DDX10: variants seen among roughly 807,000 people sequenced by gnomAD.
DDX10 encodes the protein DEAD-box helicase 10, also known as probable ATP-dependent RNA helicase DDX10.
In DDX10, 74 loss-of-function variants were observed where a neutral mutation model predicts 104.3. That is an observed-to-expected ratio of 0.71 (90% CI 0.59 to 0.86). The LOEUF is 0.86. Among genes scored for constraint, DDX10 ranks in the 40% least tolerant of loss-of-function variants. DDX10 has a pLI of 0.00. For synonymous variants in DDX10, 351 were observed against 353.4 expected (o/e 0.99, Z 0.08); for missense variants, 952 against 1,040.0 (o/e 0.92, Z 1.16).
chr11:108,722,619 C>T (rs987373326), intron 12 of DDX10, among the ~76,000 whole-genome samples: 2 of 152,074 alleles, frequency 1.3e-5, no homozygotes, highest in East Asian at 1.9e-4. Context: ...TAATTGGATC[C>T]TTACAGCAAC....
chr11:108,838,392 A>G, intron 13 of DDX10, 54 bp from the exon 14 acceptor site: 2 of 1,572,330 alleles, frequency 1.3e-6, no homozygotes, highest in Non-Finnish European at 1.7e-6. Flanking sequence ...TGGATTGTTA[A>G]TATAAAGCAA....
intron 16 of DDX10, among the ~76,000 whole-genome samples, chr11:108,899,922 T>C (rs1304790048): frequency 6.6e-6 from 1 of 152,194 alleles, no homozygotes; most frequent in East Asian, 1.9e-4. Context: ...GAGAGCAGCC[T>C]GACCAACATG....
chr11:108,807,667 A>C (rs1030475780), intron 13 of DDX10, among the ~76,000 whole-genome samples: 1 of 152,204 alleles, frequency 6.6e-6, no homozygotes, highest in African/African-American at 2.4e-5. Flanking sequence ...TAAGGTTGAC[A>C]TGCCTTCTAG....
chr11:108,784,633 G>A lies in DDX10; in HGVS notation c.1966-53813G>A, dbSNP rs116372935. Reference sequence around the variant, plus strand: ...AAATAATTGCAAATATTTTTTCTCCGATTCTGTAGGCTGTTTACTCTGTTG... The same window carrying A: ...AAATAATTGCAAATATTTTTTCTCCAATTCTGTAGGCTGTTTACTCTGTTG... On this transcript the variant is annotated intron_variant, in intron 13 of 17. Transcript: ENST00000322536. Among the ~76,000 whole-genome samples the A allele has an allele frequency of 3.3e-3, 508 of 152,116 alleles. 4 individuals carry two copies. Among genetic ancestry groups the A allele is most frequent in the African/African-American group, 0.012 (486 of 41,514 alleles).
chr11:108,785,957 C>T (rs776695489), intron 13 of DDX10, among the ~76,000 whole-genome samples: 14 of 151,756 alleles, frequency 9.2e-5, no homozygotes, highest in African/African-American at 3.1e-4. Flanking sequence ...GAGATCTTTC[C>T]GACCTCTTGA....
At position 108,723,189 on chromosome 11, in the gene DDX10, A is replaced by G. The variant is rs2094300762; in HGVS notation, c.1692A>G (p.Lys564=). Residue 564 remains lysine, a synonymous_variant, in exon 13 of 18, where the codon AAA becomes AAG. Transcript: ENST00000322536. ...EKMSILQKGG[K]RLEGTEHRQD... is the part of the protein sequence containing the mutation. ...TGTCCATCCTTCAAAAAGGTGGAAA[A>G]AGACTCGAAGGGACAGAGCACAGAC... 2 of 1,613,852 alleles carry G rather than the reference A, an allele frequency of 1.2e-6. No individual in the cohort carries two copies. Among genetic ancestry groups the G allele is most frequent in the Middle Eastern group, 1.7e-4 (1 of 6,060 alleles).
At chr11:108,892,712 A>G (rs553192479) in intron 16 of DDX10, among the ~76,000 whole-genome samples, 1 of 152,322 alleles carries the variant, frequency 6.6e-6, no homozygotes, top group Admixed American at 6.5e-5. Flanking sequence ...GTCATTGTAT[A>G]TGTTCTCAGA....
intron 16 of DDX10, among the ~76,000 whole-genome samples, chr11:108,893,151 A>G (rs1179493429): frequency 6.6e-6 from 1 of 152,154 alleles, no homozygotes; most frequent in East Asian, 1.9e-4. Context: ...AGGAAGGAAA[A>G]GATGAAGTGC....
intron 13 of DDX10, among the ~76,000 whole-genome samples, chr11:108,799,734 T>C (rs1036160410): frequency 4.6e-5 from 7 of 152,206 alleles, no homozygotes; most frequent in Non-Finnish European, 8.8e-5. Context: ...ATTACTTGTT[T>C]GTATTATCAG....
chr11:108,891,007 G>A (rs1169295140), intron 16 of DDX10, among the ~76,000 whole-genome samples: 1 of 152,204 alleles, frequency 6.6e-6, no homozygotes, highest in Admixed American at 6.5e-5. Context: ...ATTTTTGTGT[G>A]TGTCTACTGA....
At chr11:108,704,200 TTGAG>T in intron 9 of DDX10, among the ~76,000 whole-genome samples, 1 of 152,328 alleles carries the variant, frequency 6.6e-6, no homozygotes, top group Non-Finnish European at 1.5e-5. Flanking sequence ...TGAGAGAACA[TTGAG>T]TGAATGCCTT....
At chr11:108,780,266 A>G (rs1381345267) in intron 13 of DDX10, among the ~76,000 whole-genome samples, 1 of 152,214 alleles carries the variant, frequency 6.6e-6, no homozygotes, top group Non-Finnish European at 1.5e-5. Context: ...AGCACAGGAC[A>G]GGGTGGCTGA....
intron 13 of DDX10, among the ~76,000 whole-genome samples, chr11:108,745,277 C>T (rs956899982): frequency 1.4e-5 from 2 of 141,126 alleles, no homozygotes; most frequent in African/African-American, 5.2e-5. Flanking sequence ...TCCTTTCCTT[C>T]CGTCTTACTC....
At chr11:108,854,689 A>T (rs1407537893) in intron 16 of DDX10, among the ~76,000 whole-genome samples, 3 of 151,894 alleles carry the variant, frequency 2.0e-5, no homozygotes, top group African/African-American at 7.3e-5. Context: ...TGCAGCAAAC[A>T]TCATTTTATT....
intron 13 of DDX10, among the ~76,000 whole-genome samples, chr11:108,785,757 T>G (rs1861782591): frequency 6.6e-6 from 1 of 152,186 alleles, no homozygotes; most frequent in South Asian, 2.1e-4. Context: ...TATATTTCTG[T>G]GGGATAGGTT....
At chr11:108,798,146 T>A (rs1386144833) in intron 13 of DDX10, among the ~76,000 whole-genome samples, 1 of 152,200 alleles carries the variant, frequency 6.6e-6, no homozygotes, top group Non-Finnish European at 1.5e-5. Context: ...CCCCTAAACG[T>A]TCAATACTTA....
At chr11:108,702,646 G>A (rs2094270095) in intron 9 of DDX10, among the ~76,000 whole-genome samples, 2 of 152,172 alleles carry the variant, frequency 1.3e-5, no homozygotes, top group African/African-American at 4.8e-5. Context: ...AGAATTAACT[G>A]GTACACCCAA....
At chr11:108,678,068 T>G (rs747881434) in intron 4 of DDX10, among the ~76,000 whole-genome samples, 39 of 152,256 alleles carry the variant, frequency 2.6e-4, no homozygotes, top group Non-Finnish European at 3.2e-4. Context: ...TTTTTTTTTC[T>G]TAGCCTCAAA....
chr11:108,721,370 G>A (rs377759737), intron 12 of DDX10, among the ~76,000 whole-genome samples: 4 of 152,140 alleles, frequency 2.6e-5, no homozygotes, highest in African/African-American at 9.7e-5. Flanking sequence ...TATTATTTCT[G>A]AATATGATCC....
Sources: allele counts gnomAD v4.1 joint callset (sites outside exome capture counted in the v4.1 genomes callset), GRCh38; gene constraint gnomAD v4.1.1; transcripts MANE v1.5; gene names NCBI Gene and HGNC (gene_info 2026-07-23, HGNC 2026-07-21).